Variants in MGAT4C observed in about 807,000 individuals in gnomAD.
The protein encoded by MGAT4C is alpha-1,3-mannosyl-glycoprotein 4-beta-N-acetylglucosaminyltransferase C.
Under a neutral mutation model 40.1 loss-of-function variants are expected in MGAT4C, and 19 were observed. That is an observed-to-expected ratio of 0.47 (90% confidence interval 0.33 to 0.70). The LOEUF is 0.70. Among genes scored for constraint, MGAT4C ranks in the 30% least tolerant of loss-of-function variants. The probability of loss-of-function intolerance (pLI) is 0.02; values close to 1 mark genes in which losing one functional copy is unlikely to be tolerated. For synonymous variants in MGAT4C, 181 were observed against 187.1 expected, an observed-to-expected ratio of 0.97 and a Z score of 0.27; for missense variants, 491 against 563.2, an observed-to-expected ratio of 0.87 and a Z score of 1.30.
At chr12:86,217,865 AATT>A (rs772595997) in intron 1 of MGAT4C, among the ~76,000 whole-genome samples, 1 of 152,162 alleles carries the variant, frequency 6.6e-6, no homozygotes, top group Non-Finnish European at 1.5e-5. Context: ...CAGATAAAAT[AATT>A]GAAGTGATAT....
At chr12:86,328,154 T>TA (rs1954569453) in intron 4 of MGAT4C, among the ~76,000 whole-genome samples, 2 of 152,146 alleles carry the variant, frequency 1.3e-5, no homozygotes, top group African/African-American at 4.8e-5. Flanking sequence ...TATGTACCAA[T>TA]ACCAATAATG....
Position 86,737,611 on chromosome 12 carries a change from C to T in MGAT4C, c.-261-10370G>A, listed in dbSNP as rs537435033. On this transcript the variant is annotated intron_variant, in intron 1 of 7. Transcript: ENST00000548651. ...TCTCCAGCTCCTAATACTTTCTGAA[C>T]TCCAAACTTACTTGTACAACTACAT... Among the ~76,000 whole-genome samples, 10 of 151,378 alleles carry T rather than the reference C, an allele frequency of 6.6e-5. No individual in the cohort carries two copies. In the South Asian group the frequency reaches 2.1e-3, roughly 31 times the overall value.
At chr12:86,489,655 T>C (rs1345299494) in intron 2 of MGAT4C, among the ~76,000 whole-genome samples, 3 of 152,308 alleles carry the variant, frequency 2.0e-5, no homozygotes, top group Non-Finnish European at 4.4e-5. Flanking sequence ...CTGAAGCTGC[T>C]GGCCAGTTGC....
intron 2 of MGAT4C, among the ~76,000 whole-genome samples, chr12:86,444,625 C>T (rs1031864574): frequency 6.6e-6 from 1 of 152,176 alleles, no homozygotes; most frequent in African/African-American, 2.4e-5. Context: ...TCTTCCATAT[C>T]TTAACATGGA....
At position 85,970,880 on chromosome 12, in the gene MGAT4C, C is replaced by T. The variant is rs1883590294; in HGVS notation, c.*8409G>A. 1 of 151,228 alleles carries T rather than the reference C, an allele frequency of 6.6e-6. No homozygotes were observed. The highest frequency in any genetic ancestry group is 2.4e-5 in the African/African-American group (1 of 41,358). 9.4% of individuals were successfully genotyped at this position (151,228 alleles called of 1,614,324 possible). Reference sequence around the variant, plus strand: ...ATTTTCCTACCTACATAATGTCAATCTCTATTGCTCCTAACACATGAGTGG... The same window carrying T: ...ATTTTCCTACCTACATAATGTCAATTTCTATTGCTCCTAACACATGAGTGG... On this transcript the variant is annotated 3_prime_UTR_variant, in exon 5 of 5. Transcript: ENST00000611864.
chr12:86,295,665 G>A (rs1953649814), intron 4 of MGAT4C, among the ~76,000 whole-genome samples: 1 of 152,142 alleles, frequency 6.6e-6, no homozygotes, highest in South Asian at 2.1e-4. Flanking sequence ...GATTGGTAGA[G>A]CCGAGTGGCC....
At chr12:86,459,671 C>T (rs1957565672) in intron 2 of MGAT4C, among the ~76,000 whole-genome samples, 1 of 129,746 alleles carries the variant, frequency 7.7e-6, no homozygotes, top group Admixed American at 8.3e-5. Context: ...CTTCCCCGCC[C>T]CCACTCACCC....
chr12:86,764,747 G>T (rs1448433926), intron 1 of MGAT4C, among the ~76,000 whole-genome samples: 1 of 152,176 alleles, frequency 6.6e-6, no homozygotes, highest in Non-Finnish European at 1.5e-5. Context: ...CTGATACCCA[G>T]GCAAACAGGG....
intron 2 of MGAT4C, among the ~76,000 whole-genome samples, chr12:86,029,182 T>A (rs1460716850): frequency 6.6e-6 from 1 of 151,886 alleles, no homozygotes; most frequent in East Asian, 1.9e-4. Context: ...TGTAAGAAGT[T>A]TACATCTTTC....
chr12:86,375,833 A>G (rs1955812883), intron 3 of MGAT4C, among the ~76,000 whole-genome samples: 1 of 152,110 alleles, frequency 6.6e-6, no homozygotes, highest in South Asian at 2.1e-4. Context: ...TTCACTAGTA[A>G]AATAATAAAT....
At chr12:85,982,949 C>T (rs1201661327) in intron 4 of MGAT4C, among the ~76,000 whole-genome samples, 1 of 152,100 alleles carries the variant, frequency 6.6e-6, no homozygotes, top group African/African-American at 2.4e-5. Context: ...GTACCAGAAG[C>T]AAAGTCACCA....
At chr12:86,381,338 T>A (rs1955924643) in intron 3 of MGAT4C, among the ~76,000 whole-genome samples, 1 of 152,216 alleles carries the variant, frequency 6.6e-6, no homozygotes, top group Admixed American at 6.5e-5. Context: ...AAAGTTCCAA[T>A]GTTTTCACAT....
At chr12:86,505,938 A>G (rs1466478005) in intron 2 of MGAT4C, among the ~76,000 whole-genome samples, 1 of 152,178 alleles carries the variant, frequency 6.6e-6, no homozygotes, top group Non-Finnish European at 1.5e-5. Flanking sequence ...GGAAAAGGAA[A>G]GGCAACAGGT....
At chr12:86,228,032 T>C (rs1951164491) in intron 1 of MGAT4C, among the ~76,000 whole-genome samples, 1 of 151,864 alleles carries the variant, frequency 6.6e-6, no homozygotes, top group Non-Finnish European at 1.5e-5. Flanking sequence ...GACCTCCTTG[T>C]ATAGCTTATT....
chr12:86,791,216 T>C (rs1593210354), intron 1 of MGAT4C, among the ~76,000 whole-genome samples: 2 of 152,074 alleles, frequency 1.3e-5, no homozygotes, highest in African/African-American at 4.8e-5. Context: ...AAATTCTCTC[T>C]GAAAAGTCAG....
intron 2 of MGAT4C, among the ~76,000 whole-genome samples, chr12:86,585,468 A>G (rs914671401): frequency 4.0e-5 from 6 of 151,516 alleles, no homozygotes; most frequent in Non-Finnish European, 8.9e-5. Context: ...AAAACATATT[A>G]CATTAATTAA....
At position 86,028,801 on chromosome 12, in the gene MGAT4C, A is replaced by G. The variant is rs1415864358; in HGVS notation, c.-7+20873T>C. 2.0e-5 allele frequency among the ~76,000 whole-genome samples: 3 copies of G among 151,972 alleles called. No individual in the cohort carries two copies. The East Asian group carries it at 5.8e-4, about 29-fold the overall frequency. ...GGGGGTAGGATTACCTTATTAAAAC[A>G]AAAGCACTGAGAAAGTAAATAAGTG... is the stretch of plus-strand genomic sequence containing the variant. On this transcript the variant is annotated intron_variant, in intron 2 of 4. Coordinates refer to ENST00000611864, the MANE Select transcript of MGAT4C (RefSeq NM_001351288.2).
At chr12:86,663,408 TAAAAGAAAG>T (rs1046359198) in intron 2 of MGAT4C, among the ~76,000 whole-genome samples, 3 of 104,760 alleles carry the variant, frequency 2.9e-5, no homozygotes, top group South Asian at 3.2e-4. Flanking sequence ...AAAGAAAAAG[TAAAAGAAAG>T]AAAAGAAAGA....
intron 1 of MGAT4C, among the ~76,000 whole-genome samples, chr12:86,214,427 T>C (rs769694283): frequency 6.6e-6 from 1 of 152,216 alleles, no homozygotes; most frequent in Non-Finnish European, 1.5e-5. Flanking sequence ...TTTATGAGAA[T>C]AGAGATTTTG....
Sources: allele counts gnomAD v4.1 joint callset (sites outside exome capture counted in the v4.1 genomes callset), GRCh38; gene constraint gnomAD v4.1.1; transcripts MANE v1.5; gene names NCBI Gene and HGNC (gene_info 2026-07-23, HGNC 2026-07-21).